TMEFF2: variants seen among roughly 807,000 people sequenced by gnomAD.
The protein encoded by TMEFF2 is tomoregulin-2.
TMEFF2 carries 28 observed loss-of-function variants against 53.8 expected under a neutral mutation model. The ratio of observed to expected loss-of-function variants is 0.52; its 90% CI spans 0.39 to 0.71. The LOEUF (loss-of-function observed/expected upper bound fraction) is 0.71. TMEFF2 is among the 30% of genes least tolerant of loss of function. The pLI is 0.00. For missense variants in TMEFF2, 353 were observed against 455.2 expected, an observed-to-expected ratio of 0.78 and a Z score of 2.04; for synonymous variants, 162 against 166.3, an observed-to-expected ratio of 0.97 and a Z score of 0.20.
intron 4 of TMEFF2, among the ~76,000 whole-genome samples, chr2:192,124,489 C>T (rs988715500): frequency 6.6e-6 from 1 of 152,178 alleles, no homozygotes; most frequent in Non-Finnish European, 1.5e-5. Flanking sequence ...TCCATTCTTT[C>T]TTCTGTGGAT....
At chr2:191,995,272 G>A (rs1385973391) in intron 7 of TMEFF2, among the ~76,000 whole-genome samples, 1 of 151,894 alleles carries the variant, frequency 6.6e-6, no homozygotes, top group African/African-American at 2.4e-5. Context: ...TCAGAAACAT[G>A]TGTTCCTGTA....
intron 8 of TMEFF2, among the ~76,000 whole-genome samples, chr2:191,955,575 A>C (rs1692056252): frequency 8.7e-6 from 1 of 115,222 alleles, no homozygotes; most frequent in Non-Finnish European, 1.6e-5. Context: ...TTTGTTGCCC[A>C]GGCTGGCTTC....
chr2:191,961,028 A>G (rs978110534), intron 7 of TMEFF2, among the ~76,000 whole-genome samples: 3 of 152,216 alleles, frequency 2.0e-5, no homozygotes, highest in Admixed American at 6.5e-5. Context: ...TTACTAGAGA[A>G]TATTATTTTT....
intron 5 of TMEFF2, among the ~76,000 whole-genome samples, chr2:192,055,449 C>T (rs1687879109): frequency 6.6e-6 from 1 of 152,054 alleles, no homozygotes; most frequent in South Asian, 2.1e-4. Context: ...AATTCATCAG[C>T]CATTAAGGTC....
chr2:192,085,804 G>A (rs926612673), intron 4 of TMEFF2, among the ~76,000 whole-genome samples: 13 of 151,742 alleles, frequency 8.6e-5, no homozygotes, highest in African/African-American at 2.9e-4. Context: ...ATCTGATCAC[G>A]AAGCTCTTAA....
At chr2:192,178,050 C>G (rs1051509605) in intron 4 of TMEFF2, 1 of 150,876 alleles carries the variant, frequency 6.6e-6, no homozygotes, top group Non-Finnish European at 1.5e-5. Flanking sequence ...TGAAGACATT[C>G]TTGGTATGTT....
chr2:192,005,720 C>A (rs2105843807), intron 5 of TMEFF2, among the ~76,000 whole-genome samples: 1 of 152,244 alleles, frequency 6.6e-6, no homozygotes, highest in African/African-American at 2.4e-5. Flanking sequence ...TAAATAAGGT[C>A]AGAGCTGCTG....
intron 4 of TMEFF2, among the ~76,000 whole-genome samples, chr2:192,075,332 T>TATGTAC (rs796267672): frequency 1.0e-4 from 9 of 88,138 alleles, no homozygotes; most frequent in African/African-American, 3.3e-4. Context: ...TATATATATA[T>TATGTAC]ACATACATAC....
intron 8 of TMEFF2, among the ~76,000 whole-genome samples, chr2:191,954,785 CCT>C (rs1432231427): frequency 7.2e-5 from 11 of 152,110 alleles, no homozygotes; most frequent in Non-Finnish European, 1.5e-4. Flanking sequence ...AATGTTGCCT[CCT>C]CTCACTCAAC....
chr2:192,155,663 G>A (rs1306152508), intron 4 of TMEFF2, among the ~76,000 whole-genome samples: 1 of 151,982 alleles, frequency 6.6e-6, no homozygotes, highest in African/African-American at 2.4e-5. Context: ...AACCATCTGA[G>A]GCAGTTGGCA....
At chr2:192,124,231 G>T (rs1364830031) in intron 4 of TMEFF2, among the ~76,000 whole-genome samples, 2 of 152,204 alleles carry the variant, frequency 1.3e-5, no homozygotes, top group Non-Finnish European at 2.9e-5. Flanking sequence ...TTACAAAAAT[G>T]AATGTCTAGT....
intron 4 of TMEFF2, among the ~76,000 whole-genome samples, chr2:192,062,270 GTTTC>G (rs1688062868): frequency 1.3e-5 from 2 of 152,188 alleles, no homozygotes; most frequent in South Asian, 4.2e-4. Context: ...TTTGTGTCAA[GTTTC>G]TTTCACTCAA....
intron 4 of TMEFF2, among the ~76,000 whole-genome samples, chr2:192,087,315 C>A (rs1210656912): frequency 6.6e-6 from 1 of 151,904 alleles, no homozygotes; most frequent in African/African-American, 2.4e-5. Flanking sequence ...CAATACAGTG[C>A]CAGGGTTGCG....
At chr2:192,130,135 T>C (rs527564983) in intron 4 of TMEFF2, among the ~76,000 whole-genome samples, 1 of 152,320 alleles carries the variant, frequency 6.6e-6, no homozygotes, top group East Asian at 1.9e-4. Context: ...ATTTGTCTAG[T>C]GAAATAAGGA....
intron 5 of TMEFF2, among the ~76,000 whole-genome samples, chr2:192,037,331 A>AAGAAAG: frequency 6.6e-6 from 1 of 150,602 alleles, no homozygotes; most frequent in Non-Finnish European, 1.5e-5. Flanking sequence ...GAAAGAAAGA[A>AAGAAAG]AGAAAAACAG....
At position 191,999,324 on chromosome 2, in the gene TMEFF2, T is replaced by C. The variant is rs184705819; in HGVS notation, c.537-116A>G. 1.5e-4 allele frequency: 130 copies of C among 845,004 alleles called. No homozygotes were observed. The African/African-American group carries it at 2.1e-3, about 13-fold the overall frequency. 52.3% of individuals were successfully genotyped at this position (845,004 alleles called of 1,614,324 possible). On this transcript the variant is annotated intron_variant, in intron 5 of 9. Transcript: ENST00000272771. ...CAAAATGCAAGTTGGCAAAATTGAA[T>C]TGTATCCTTCCAGGGAAGTTCCTTC...
chr2:192,113,494 T>C (rs991027913), intron 4 of TMEFF2, among the ~76,000 whole-genome samples: 2 of 152,142 alleles, frequency 1.3e-5, no homozygotes, highest in African/African-American at 4.8e-5. Flanking sequence ...ATAGAACATA[T>C]TTTTGTTTGG....
At position 192,018,465 on chromosome 2, in the gene TMEFF2, G is replaced by A. The variant is rs565846755; in HGVS notation, c.537-19257C>T. Among the ~76,000 whole-genome samples, 64 of 151,868 alleles carry A rather than the reference G, an allele frequency of 4.2e-4. No homozygotes were observed. In the South Asian group the frequency reaches 0.013, roughly 31 times the overall value. On this transcript the variant is annotated intron_variant, in intron 5 of 9. Transcript: ENST00000272771. Reference sequence around the variant, plus strand: ...GCAAACATTTTTCACTTATTCATACGCTTTAATCATTTAGAGTACTTGATT... The same window carrying A: ...GCAAACATTTTTCACTTATTCATACACTTTAATCATTTAGAGTACTTGATT...
Position 192,170,746 on chromosome 2 carries a change from T to A in TMEFF2, c.439+8922A>T, listed in dbSNP as rs573146560. ...TCCCTTTATTCTTTTCAGAGAGAGA[T>A]CAGCAAGGAACACAAAATTAAAAGA... On this transcript the variant is annotated intron_variant, in intron 4 of 9. Transcript: ENST00000272771. Among the ~76,000 whole-genome samples, 7 of 152,144 alleles carry A rather than the reference T, an allele frequency of 4.6e-5. No individual in the cohort carries two copies. The East Asian group carries it at 1.2e-3, about 25-fold the overall frequency.
Sources: allele counts gnomAD v4.1 joint callset (sites outside exome capture counted in the v4.1 genomes callset), GRCh38; gene constraint gnomAD v4.1.1; transcripts MANE v1.5; gene names NCBI Gene and HGNC (gene_info 2026-07-23, HGNC 2026-07-21).